The following ELAVL4 variants were observed in gnomAD, a reference collection of about 807,000 sequenced individuals.
The protein encoded by ELAVL4 is ELAV like RNA binding protein 4, also known as ELAV-like protein 4.
Under a neutral mutation model 35.6 loss-of-function variants are expected in ELAVL4, and 1 was observed. That is an observed-to-expected ratio of 0.03 (90% confidence interval 0.01 to 0.13). The LOEUF (loss-of-function observed/expected upper bound fraction) is 0.13, where lower values mean the gene tolerates loss of function less well. ELAVL4 is among the 10% of genes least tolerant of loss of function. ELAVL4 has a pLI of 1.00. For missense variants in ELAVL4, 267 were observed against 464.9 expected (o/e 0.57, Z 3.91); for synonymous variants, 156 against 171.0 (o/e 0.91, Z 0.69).
At chr1:50,126,705 GAGAA>G (rs1230606517) in intron 1 of ELAVL4, among the ~76,000 whole-genome samples, 5 of 152,038 alleles carry the variant, frequency 3.3e-5, no homozygotes, top group South Asian at 2.1e-4. Context: ...TAAGATTGAA[GAGAA>G]AGAGAGAAAA....
intron 1 of ELAVL4, among the ~76,000 whole-genome samples, chr1:50,084,647 G>A (rs1355144400): frequency 6.6e-6 from 1 of 152,084 alleles, no homozygotes; most frequent in African/African-American, 2.4e-5. Flanking sequence ...CGTGGAACAA[G>A]TCAAGAATGT....
chr1:50,098,496 C>T (rs1011163630), intron 1 of ELAVL4, among the ~76,000 whole-genome samples: 2 of 152,092 alleles, frequency 1.3e-5, no homozygotes, highest in African/African-American at 4.8e-5. Context: ...ATGAAATAAG[C>T]ACTTGTAGCA....
chr1:50,192,519 GCACACACACACACACACA>G (rs5774068), intron 3 of ELAVL4, among the ~76,000 whole-genome samples: 17 of 140,444 alleles, frequency 1.2e-4, no homozygotes, highest in African/African-American at 2.4e-4. Context: ...TTGTGTGCAC[GCACACACACACACACACA>G]CACACACACA....
chr1:50,163,635 G>T (rs1463111022), intron 2 of ELAVL4, among the ~76,000 whole-genome samples: 1 of 152,136 alleles, frequency 6.6e-6, no homozygotes, highest in Non-Finnish European at 1.5e-5. Context: ...AGACCAGCCT[G>T]GCCAACATTG....
At chr1:50,110,002 C>A in intron 1 of ELAVL4, 1 of 1,605,270 alleles carries the variant, frequency 6.2e-7, no homozygotes, top group Non-Finnish European at 8.5e-7. Context: ...AGGTCCCAGC[C>A]CTGTGTGTGT....
intron 2 of ELAVL4, among the ~76,000 whole-genome samples, chr1:50,146,031 G>A (rs900229343): frequency 6.6e-6 from 1 of 152,166 alleles, no homozygotes; most frequent in Admixed American, 6.5e-5. Flanking sequence ...CAGTGAAGCT[G>A]CTACTCTCTG....
At chr1:50,096,601 G>A (rs1665727747) in intron 1 of ELAVL4, among the ~76,000 whole-genome samples, 1 of 151,808 alleles carries the variant, frequency 6.6e-6, no homozygotes, top group Non-Finnish European at 1.5e-5. Flanking sequence ...TTTAGGCAGG[G>A]GAGTAACAGA....
chr1:50,089,280 A>G (rs1214128122), intron 1 of ELAVL4, among the ~76,000 whole-genome samples: 1 of 152,234 alleles, frequency 6.6e-6, no homozygotes, highest in East Asian at 1.9e-4. Flanking sequence ...AACCTAATGC[A>G]GATTCTTAAA....
At chr1:50,181,429 T>C (rs1274848474) in intron 3 of ELAVL4, 1 of 152,278 alleles carries the variant, frequency 6.6e-6, no homozygotes, top group Non-Finnish European at 1.5e-5. Context: ...GGTCCTCGGA[T>C]TTAGGTGAAT....
intron 3 of ELAVL4, among the ~76,000 whole-genome samples, chr1:50,188,318 C>T (rs1682142438): frequency 6.6e-6 from 1 of 152,130 alleles, no homozygotes; most frequent in Non-Finnish European, 1.5e-5. Context: ...GTGACACTTA[C>T]TATGTCTCCA....
intron 3 of ELAVL4, among the ~76,000 whole-genome samples, chr1:50,184,866 A>G (rs182040774): frequency 9.2e-5 from 14 of 152,320 alleles, no homozygotes; most frequent in African/African-American, 3.4e-4. Flanking sequence ...CTAAGATGCT[A>G]TAATTTTGTG....
chr1:50,096,070 A>G (rs1665705214), intron 1 of ELAVL4, among the ~76,000 whole-genome samples: 1 of 152,154 alleles, frequency 6.6e-6, no homozygotes, highest in Non-Finnish European at 1.5e-5. Flanking sequence ...TCTACTCTTC[A>G]TGTATTTCTA....
intron 1 of ELAVL4, among the ~76,000 whole-genome samples, chr1:50,062,720 T>G (rs1664055943): frequency 1.3e-5 from 2 of 152,220 alleles, no homozygotes; most frequent in Non-Finnish European, 2.9e-5. Flanking sequence ...TACCATTCTC[T>G]TGAGAGTATC....
intron 1 of ELAVL4, among the ~76,000 whole-genome samples, chr1:50,118,575 G>A (rs1668352050): frequency 6.6e-6 from 1 of 151,988 alleles, no homozygotes; most frequent in East Asian, 1.9e-4. Context: ...ACTTGGGAAG[G>A]GGTAATGGGT....
At chr1:50,134,870 G>A (rs766588158) in intron 1 of ELAVL4, among the ~76,000 whole-genome samples, 22 of 152,084 alleles carry the variant, frequency 1.4e-4, no homozygotes, top group Non-Finnish European at 2.9e-4. Flanking sequence ...GACACACCAG[G>A]AAATCATCTT....
chr1:50,071,127 C>G (rs1664498572), intron 1 of ELAVL4, among the ~76,000 whole-genome samples: 1 of 152,196 alleles, frequency 6.6e-6, no homozygotes, highest in South Asian at 2.1e-4. Context: ...TCAGAACAGT[C>G]CTTCTCTCAT....
intron 1 of ELAVL4, chr1:50,048,245 C>T: frequency 7.0e-7 from 1 of 1,436,996 alleles, no homozygotes. Context: ...TACGGACACC[C>T]GCTGGGCCAC....
At chr1:50,183,937 C>T (rs992984292) in intron 3 of ELAVL4, among the ~76,000 whole-genome samples, 2 of 152,114 alleles carry the variant, frequency 1.3e-5, no homozygotes, top group African/African-American at 4.8e-5. Context: ...CCTCCATTAC[C>T]GCTAGTCACA....
At chr1:50,054,277 G>T (rs1663545754) in intron 1 of ELAVL4, among the ~76,000 whole-genome samples, 1 of 152,212 alleles carries the variant, frequency 6.6e-6, no homozygotes, top group East Asian at 1.9e-4. Context: ...TAATTCTGCT[G>T]CTGGCAGAAG....
Sources: gnomAD v4.1 joint callset for allele counts (sites outside exome capture counted in the v4.1 genomes callset) on GRCh38, gnomAD v4.1.1 for gene constraint, MANE v1.5 for transcripts, NCBI Gene and HGNC (gene_info 2026-07-23, HGNC 2026-07-21) for gene names.